Variants in AKAP19 observed in about 807,000 individuals in gnomAD.
AKAP19 encodes the protein small A-kinase anchoring protein.
chr2:189,960,906 C>G, the AKAP19 span, among the ~76,000 whole-genome samples: 1 of 152,192 alleles, frequency 6.6e-6, no homozygotes, highest in Non-Finnish European at 1.5e-5. Flanking sequence ...TTGGTTAACT[C>G]TGACTCCAGA....
chr2:190,077,106 A>G, the AKAP19 span, among the ~76,000 whole-genome samples: 1 of 151,954 alleles, frequency 6.6e-6, no homozygotes, highest in Admixed American at 6.6e-5. Flanking sequence ...TCATCTCTAG[A>G]CAATTCATTT....
the AKAP19 span, among the ~76,000 whole-genome samples, chr2:189,881,487 A>G: frequency 6.6e-6 from 1 of 152,182 alleles, no homozygotes; most frequent in Admixed American, 6.6e-5. Flanking sequence ...AAGGCAGAAA[A>G]ACAATAAACA....
chr2:190,185,460 A>G, the AKAP19 span, among the ~76,000 whole-genome samples: 15 of 152,212 alleles, frequency 9.9e-5, no homozygotes, highest in Non-Finnish European at 1.8e-4. Flanking sequence ...GTTCTAGATC[A>G]GATTTTCTTT....
the AKAP19 span, among the ~76,000 whole-genome samples, chr2:190,026,372 A>G: frequency 6.6e-6 from 1 of 152,214 alleles, no homozygotes; most frequent in African/African-American, 2.4e-5. Context: ...TTGCATCCCC[A>G]CAATGTAACT....
chr2:189,901,241 GT>G, the AKAP19 span, among the ~76,000 whole-genome samples: 6 of 150,226 alleles, frequency 4.0e-5, no homozygotes, highest in East Asian at 3.9e-4. Flanking sequence ...ATATTAGAGA[GT>G]TTTTTTTTTA....
chr2:190,200,110 T>TACCATGACATTCCATACATTG, the AKAP19 span: 1 of 1,614,036 alleles, frequency 6.2e-7, no homozygotes, highest in Non-Finnish European at 8.5e-7. Flanking sequence ...TAACATCAAG[T>TACCATGACATTCCATACATTG]ACCATGACAT....
chr2:190,115,624 G>A, the AKAP19 span, among the ~76,000 whole-genome samples: 1 of 151,504 alleles, frequency 6.6e-6, no homozygotes, highest in Admixed American at 6.6e-5. Flanking sequence ...CGGCCAAGAA[G>A]CATATATTTT....
At chr2:189,987,279 A>G in the AKAP19 span, among the ~76,000 whole-genome samples, 2 of 152,204 alleles carry the variant, frequency 1.3e-5, no homozygotes, top group African/African-American at 4.8e-5. Context: ...GCCGCCATGT[A>G]AAGAAATGCC....
At chr2:190,076,646 T>C in the AKAP19 span, among the ~76,000 whole-genome samples, 2 of 152,214 alleles carry the variant, frequency 1.3e-5, no homozygotes, top group African/African-American at 2.4e-5. Flanking sequence ...GAAATCAATA[T>C]TACTTATCAT....
At chr2:189,883,988 A>G in the AKAP19 span, among the ~76,000 whole-genome samples, 10 of 152,158 alleles carry the variant, frequency 6.6e-5, no homozygotes, top group African/African-American at 2.4e-4. Context: ...TTCAGATAGA[A>G]TTTTCTAGTT....
At chr2:190,086,324 C>A in the AKAP19 span, among the ~76,000 whole-genome samples, 1 of 152,212 alleles carries the variant, frequency 6.6e-6, no homozygotes, top group Admixed American at 6.5e-5. Context: ...AGCAGTCCTC[C>A]TCTTCCATCT....
chr2:189,994,590 ATTG>A, the AKAP19 span, among the ~76,000 whole-genome samples: 1 of 150,956 alleles, frequency 6.6e-6, no homozygotes, highest in East Asian at 1.9e-4. Context: ...TATTATTATT[ATTG>A]TTATTATTAT....
the AKAP19 span, chr2:190,180,603 C>A: frequency 1.0e-6 from 1 of 985,782 alleles, no homozygotes; most frequent in African/African-American, 1.7e-5. This position sits in a 1 kb window ranked among gnomAD's most constrained non-coding sequence, Gnocchi z 6.8. Context: ...GTGGCCCAGA[C>A]CAACCGGCTG....
At chr2:190,023,677 T>C in the AKAP19 span, among the ~76,000 whole-genome samples, 2 of 151,592 alleles carry the variant, frequency 1.3e-5, no homozygotes, top group African/African-American at 4.8e-5. Flanking sequence ...ATAATCTCTT[T>C]AGTTTTAAGA....
chr2:189,983,787 C>T, the AKAP19 span, among the ~76,000 whole-genome samples: 24 of 152,190 alleles, frequency 1.6e-4, no homozygotes, highest in Non-Finnish European at 1.6e-4. Context: ...GGAACTGCCC[C>T]GAAAATCATG....
chr2:189,963,812 A>G, the AKAP19 span, among the ~76,000 whole-genome samples: 1 of 150,726 alleles, frequency 6.6e-6, no homozygotes. Flanking sequence ...CACCCAGCCT[A>G]GAGTGCAGTG....
At chr2:190,137,578 T>C in the AKAP19 span, among the ~76,000 whole-genome samples, 11 of 152,248 alleles carry the variant, frequency 7.2e-5, no homozygotes, top group Non-Finnish European at 1.2e-4. Context: ...CATGGTTTAC[T>C]GTCCCTGAGA....
the AKAP19 span, among the ~76,000 whole-genome samples, chr2:190,031,219 T>A: frequency 1.3e-5 from 2 of 152,144 alleles, no homozygotes; most frequent in African/African-American, 4.8e-5. Flanking sequence ...AATACTGTAG[T>A]GGAATTAGAA....
At chr2:189,882,725 A>C in the AKAP19 span, among the ~76,000 whole-genome samples, 1 of 152,100 alleles carries the variant, frequency 6.6e-6, no homozygotes, top group African/African-American at 2.4e-5. Flanking sequence ...GCCAGGGTGA[A>C]ATTCAACAGA....
Sources: allele counts gnomAD v4.1 joint callset (sites outside exome capture counted in the v4.1 genomes callset), GRCh38; gene constraint gnomAD v4.1.1; non-coding constraint Gnocchi (gnomAD v3.1); transcripts MANE v1.5; gene names NCBI Gene and HGNC (gene_info 2026-07-23, HGNC 2026-07-21).